Variants in LRRC7 observed in about 807,000 individuals in gnomAD.
LRRC7 encodes the protein leucine rich repeat containing 7.
LRRC7 carries 23 observed loss-of-function variants against 175.7 expected under a neutral mutation model. That is an observed-to-expected ratio of 0.13 (90% CI 0.09 to 0.19). The LOEUF (loss-of-function observed/expected upper bound fraction) is 0.19, where lower values mean the gene tolerates loss of function less well. Ranked by LOEUF, LRRC7 falls within the 10% of genes least tolerant of loss-of-function variation. The pLI is 1.00. For synonymous variants in LRRC7, 685 were observed against 680.9 expected (o/e 1.01, Z -0.09); for missense variants, 1,354 against 1,904.7 (o/e 0.71, Z 5.38).
chr1:69,748,367 G>A lies in LRRC7; in HGVS notation c.101-11824G>A, dbSNP rs146305276. 1.0e-3 allele frequency among the ~76,000 whole-genome samples: 158 copies of A among 152,146 alleles called. 2 individuals carry two copies. The highest frequency in any genetic ancestry group is 3.3e-3 in the African/African-American group (139 of 41,544). ...GTGAAGGGCACCAAATTAACATTGC[G>A]TCTCATCACAAAAGGCAAGGAATCT... On this transcript the variant is annotated intron_variant, in intron 2 of 26. Transcript: ENST00000651989.
chr1:70,103,295 AC>A (rs1482236551), intron 25 of LRRC7, among the ~76,000 whole-genome samples: 1 of 152,124 alleles, frequency 6.6e-6, no homozygotes, highest in Non-Finnish European at 1.5e-5. Context: ...GGCAAACAGG[AC>A]TTTGCAGATG....
rs1310053555 is a variant in LRRC7, at chr1:70,023,310, G to A, written c.1730G>A (p.Ser577Asn). ...GCISGLQQER[S>N]MCTPLPVAAQ... ...ATAAGTGGCCTCCAGCAGGAAAGGAGCATGTGTACTCCATTGCCAGTTGCA... is the reference window on the plus strand; with the variant it reads ...ATAAGTGGCCTCCAGCAGGAAAGGAACATGTGTACTCCATTGCCAGTTGCA... Residue 577 changes from serine to asparagine, a missense_variant, in exon 17 of 27, where the codon AGC (serine) becomes AAC (asparagine). By Grantham distance (46) the Ser-to-Asn change is conservative. This residue lies in a region of LRRC7 where 1,032 missense variants were observed against 1,227.2 expected (regional missense o/e 0.84). Transcript: ENST00000651989. 6.2e-7 allele frequency: 1 copy of A among 1,613,640 alleles called. No individual in the cohort carries two copies. The highest frequency in any genetic ancestry group is 1.1e-5 in the South Asian group (1 of 91,022).
chr1:70,119,895 A>G lies in LRRC7; in HGVS notation c.4621-1885A>G, dbSNP rs185995254. On this transcript the variant is annotated intron_variant, in intron 26 of 26. Transcript: ENST00000651989. ...TGGTTTGACAATCAAGAACTCCATT[A>G]TTAAAGTTCAATTTTAATTTCACAA... Among the ~76,000 whole-genome samples the G allele has an allele frequency of 2.0e-5, 3 of 152,276 alleles. No individual in the cohort carries two copies. The East Asian group carries it at 5.8e-4, about 29-fold the overall frequency.
intron 4 of LRRC7, among the ~76,000 whole-genome samples, chr1:69,810,069 CAA>C (rs1246072770): frequency 1.3e-5 from 2 of 152,184 alleles, no homozygotes; most frequent in African/African-American, 4.8e-5. Context: ...GCAACTTCAG[CAA>C]AGTCTCAGGA....
chr1:70,020,214 G>C (rs1571036760), intron 15 of LRRC7, among the ~76,000 whole-genome samples: 1 of 151,782 alleles, frequency 6.6e-6, no homozygotes, highest in East Asian at 1.9e-4. Context: ...TATGATAAAG[G>C]ACCTCCTTTG....
intron 1 of LRRC7, among the ~76,000 whole-genome samples, chr1:69,576,319 C>G (rs986678185): frequency 1.3e-5 from 2 of 151,498 alleles, no homozygotes; most frequent in Non-Finnish European, 2.9e-5. Context: ...TGACTTAGTT[C>G]TTCTGTTACA....
chr1:69,670,706 C>T (rs1434417813), intron 1 of LRRC7, among the ~76,000 whole-genome samples: 1 of 152,156 alleles, frequency 6.6e-6, no homozygotes, highest in East Asian at 1.9e-4. Flanking sequence ...TGTAGGTGAG[C>T]TGGCAGTCAA....
intron 1 of LRRC7, among the ~76,000 whole-genome samples, chr1:69,580,040 A>C (rs1035221520): frequency 6.6e-6 from 1 of 152,104 alleles, no homozygotes; most frequent in African/African-American, 2.4e-5. Flanking sequence ...TCCATGAACA[A>C]TCACTCTAAA....
chr1:69,590,492 C>T (rs371841042), intron 1 of LRRC7, among the ~76,000 whole-genome samples: 9 of 152,234 alleles, frequency 5.9e-5, no homozygotes, highest in South Asian at 4.1e-4. Flanking sequence ...CAACAACTCA[C>T]AATTATATCC....
At chr1:69,951,768 A>G (rs1212418409) in intron 8 of LRRC7, among the ~76,000 whole-genome samples, 3 of 152,044 alleles carry the variant, frequency 2.0e-5, no homozygotes, top group African/African-American at 7.2e-5. Flanking sequence ...GAAGGAAACA[A>G]CAAACACTGG....
intron 2 of LRRC7, among the ~76,000 whole-genome samples, chr1:69,759,134 A>T (rs185030368): frequency 6.6e-6 from 1 of 151,998 alleles, no homozygotes; most frequent in East Asian, 1.9e-4. Context: ...CTAGGAAGAC[A>T]TTCACAGAGA....
intron 8 of LRRC7, among the ~76,000 whole-genome samples, chr1:69,970,992 T>C (rs1652178248): frequency 6.6e-6 from 1 of 152,086 alleles, no homozygotes. Flanking sequence ...AGTCAACAAA[T>C]GTGATACACC....
At chr1:70,048,876 C>T (rs1343145005) in intron 22 of LRRC7, among the ~76,000 whole-genome samples, 2 of 152,074 alleles carry the variant, frequency 1.3e-5, no homozygotes, top group Non-Finnish European at 2.9e-5. Context: ...CATTAATCAT[C>T]CAGGCTACTG....
intron 7 of LRRC7, among the ~76,000 whole-genome samples, chr1:69,912,967 TC>T (rs1159582765): frequency 1.3e-5 from 2 of 152,196 alleles, no homozygotes; most frequent in Non-Finnish European, 2.9e-5. Context: ...AATCTTTTTT[TC>T]GTATTGTGCA....
chr1:69,955,472 G>A (rs149092894), intron 8 of LRRC7, among the ~76,000 whole-genome samples: 1,585 of 152,100 alleles, frequency 0.01, 16 homozygotes, highest in South Asian at 0.039. Context: ...CACTGTGGCT[G>A]CCATGCAGAT....
intron 2 of LRRC7, among the ~76,000 whole-genome samples, 168 bp from the exon 3 acceptor site, chr1:69,760,023 C>T (rs1570655925): frequency 6.6e-6 from 1 of 152,076 alleles, no homozygotes; most frequent in East Asian, 1.9e-4. Flanking sequence ...TCACGTACTT[C>T]GCAGGGCTGT....
At chr1:69,913,173 C>T (rs1646584678) in intron 7 of LRRC7, among the ~76,000 whole-genome samples, 1 of 152,012 alleles carries the variant, frequency 6.6e-6, no homozygotes, top group Admixed American at 6.6e-5. Context: ...GGAGTAATAC[C>T]TTAACTGATA....
intron 8 of LRRC7, among the ~76,000 whole-genome samples, chr1:69,948,650 G>A (rs566296381): frequency 4.6e-5 from 7 of 152,188 alleles, no homozygotes; most frequent in Admixed American, 3.3e-4. Flanking sequence ...TCCTCTGCAC[G>A]ACTGAATAAT....
At chr1:69,747,015 T>A (rs1208160006) in intron 2 of LRRC7, among the ~76,000 whole-genome samples, 1 of 152,168 alleles carries the variant, frequency 6.6e-6, no homozygotes, top group Non-Finnish European at 1.5e-5. Context: ...ATTCCCATCA[T>A]CTTCCTTCTG....
Sources: allele counts gnomAD v4.1 joint callset (sites outside exome capture counted in the v4.1 genomes callset), GRCh38; gene constraint gnomAD v4.1.1; regional missense constraint gnomAD v4.1.1; transcripts MANE v1.5; gene names NCBI Gene and HGNC (gene_info 2026-07-23, HGNC 2026-07-21).